MCM9: variants seen among roughly 807,000 people sequenced by gnomAD.
The protein encoded by MCM9 is DNA helicase MCM9.
Under a neutral mutation model 72.8 loss-of-function variants are expected in MCM9, and 55 were observed. The ratio of observed to expected loss-of-function variants is 0.76; its 90% confidence interval spans 0.61 to 0.95. The LOEUF (loss-of-function observed/expected upper bound fraction) is 0.95. Among genes scored for constraint, MCM9 ranks in the 40% least tolerant of loss-of-function variants. MCM9 has a pLI of 0.00. For missense variants in MCM9, 1,279 were observed against 1,377.0 expected, an observed-to-expected ratio of 0.93 and a Z score of 1.13; for synonymous variants, 480 against 503.4, an observed-to-expected ratio of 0.95 and a Z score of 0.62.
At chr6:118,829,351 T>A in intron 9 of MCM9, 101 bp from the exon 10 acceptor site, 1 of 1,055,274 alleles carries the variant, frequency 9.5e-7, no homozygotes, top group Non-Finnish European at 1.3e-6. Context: ...CTTGAAAATC[T>A]ACGAACTCCT....
Position 118,888,041 on chromosome 6 carries a change from A to C in MCM9, c.1150+23609T>G, listed in dbSNP as rs144653080. Among the ~76,000 whole-genome samples the C allele has an allele frequency of 6.4e-3, 968 of 152,346 alleles. 6 individuals carry two copies. Among genetic ancestry groups the C allele is most frequent in the African/African-American group, 0.022 (910 of 41,580 alleles). ...CATATGAAAGATGCTTAACATCTTTAGCCATCAGGGAAATATAGACCAAAA... is the reference window on the plus strand; with the variant it reads ...CATATGAAAGATGCTTAACATCTTTCGCCATCAGGGAAATATAGACCAAAA... On this transcript the variant is annotated intron_variant, in intron 8 of 13. Coordinates refer to ENST00000619706, the MANE Select transcript of MCM9 (RefSeq NM_017696.3).
chr6:118,861,639 C>CT (rs915816176), intron 8 of MCM9, among the ~76,000 whole-genome samples: 31 of 152,338 alleles, frequency 2.0e-4, no homozygotes, highest in African/African-American at 7.2e-4. Flanking sequence ...TGGGTAGCTC[C>CT]TTTCTGCAGG....
chr6:118,911,173 T>C (rs1331382990), intron 8 of MCM9: 1 of 985,308 alleles, frequency 1.0e-6, no homozygotes, highest in African/African-American at 1.7e-5. Flanking sequence ...AAGCTCCACA[T>C]TGCAATGATG....
At chr6:118,843,929 T>TGG (rs1025911316) in intron 9 of MCM9, among the ~76,000 whole-genome samples, 1 of 148,800 alleles carries the variant, frequency 6.7e-6, no homozygotes, top group Non-Finnish European at 1.5e-5. Flanking sequence ...GAAAATGATG[T>TGG]GGCAAGGTAC....
chr6:118,836,594 A>G (rs925064969), intron 9 of MCM9, among the ~76,000 whole-genome samples: 2 of 152,242 alleles, frequency 1.3e-5, no homozygotes, highest in African/African-American at 4.8e-5. Flanking sequence ...GAGTCTAGGT[A>G]TTTATCCATT....
In MCM9 at chr6:118,931,561, C is replaced by A; in HGVS notation, c.163G>T (p.Gly55Trp). Residue 55 changes from glycine to tryptophan, a missense_variant, in exon 3 of 14, where the codon GGG (glycine) becomes TGG (tryptophan). By Grantham distance (184) the Gly-to-Trp change is radical (BLOSUM62 -2). Transcript: ENST00000619706. ...MTLFETNMEI[G>W]EYFNMFPSEV... is the part of the protein sequence containing the mutation. ...CTGGGGAACATGTTGAAATATTCCCCGATTTCCATGTTGGTCTCAAACAGA... is the reference window on the plus strand; with the variant it reads ...CTGGGGAACATGTTGAAATATTCCCAGATTTCCATGTTGGTCTCAAACAGA... 1 of 1,614,074 alleles carries A rather than the reference C, an allele frequency of 6.2e-7. No individual in the cohort carries two copies.
rs760884661 is a variant in MCM9 at position 118,931,714 on chromosome 6, C to T, written c.10G>A (p.Asp4Asn). Reference sequence around the variant, plus strand: ...ACTTGACCAACCAGTGTAACTTGATCGCTATTCATCTTGAATCTAGGTAAC... The same window carrying T: ...ACTTGACCAACCAGTGTAACTTGATTGCTATTCATCTTGAATCTAGGTAAC... MNSDQVTLVGQVFE... is the reference protein window; with the variant it reads MNSNQVTLVGQVFE... The change falls in exon 3 of 14, where the codon GAT becomes AAT. Residue 4 changes from aspartate (D) to asparagine (N), a missense_variant. Physicochemically the swap from Asp to Asn is conservative, Grantham distance 23. Transcript: ENST00000619706. 1.2e-5 allele frequency: 19 copies of T among 1,604,186 alleles called. No individual in the cohort carries two copies. Among genetic ancestry groups the T allele is most frequent in the Admixed American group, 1.7e-5 (1 of 59,418 alleles).
Position 118,814,727 on chromosome 6 carries a change from G to A in MCM9, c.*97C>T, listed in dbSNP as rs1217515033. On this transcript the variant is annotated 3_prime_UTR_variant, in exon 14 of 14. Coordinates refer to ENST00000619706, the MANE Select transcript of MCM9 (RefSeq NM_017696.3). ...AGTATTCAGAGTGATCCTCAATATG[G>A]CCAATTGTTCTATACATTTATAAAT... is the stretch of plus-strand genomic sequence containing the variant. The A allele has an allele frequency of 2.5e-6, 3 of 1,200,654 alleles. No homozygotes were observed. The highest frequency in any genetic ancestry group is 5.9e-5 in the Admixed American group (2 of 33,748). The allele number at this position is 1,200,654 out of a possible 1,614,324, so 74.4% of individuals were successfully genotyped here.
At position 118,826,236 on chromosome 6, in the gene MCM9, A is replaced by G; in HGVS notation, c.1872T>C (p.Pro624=). ...NALHTSFPEN[P]GEQYQRQCEL... is the part of the protein sequence containing the mutation. ...CACACTGTCTCTGGTACTGCTCTCC[A>G]GGGTTTTCAGGAAAGGAAGTGTGGA... Residue 624 remains proline (P), a synonymous_variant, in exon 13 of 14, where the codon CCT becomes CCC. Coordinates refer to ENST00000619706, the MANE Select transcript of MCM9 (RefSeq NM_017696.3). 1 of 1,550,464 alleles carries G rather than the reference A, an allele frequency of 6.4e-7. No homozygotes were observed.
At chr6:118,861,955 A>G (rs1459791548) in intron 8 of MCM9, among the ~76,000 whole-genome samples, 1 of 152,172 alleles carries the variant, frequency 6.6e-6, no homozygotes, top group Non-Finnish European at 1.5e-5. Flanking sequence ...GGAGGCCTGT[A>G]GGCCCATGCT....
chr6:118,893,376 C>T (rs1342267745), intron 8 of MCM9, among the ~76,000 whole-genome samples: 1 of 152,162 alleles, frequency 6.6e-6, no homozygotes, highest in Admixed American at 6.5e-5. Context: ...TCCATTTTCT[C>T]CTTTTATGTT....
intron 8 of MCM9, among the ~76,000 whole-genome samples, chr6:118,888,343 C>T (rs148587841): frequency 1.7e-3 from 251 of 152,068 alleles, no homozygotes; most frequent in African/African-American, 5.5e-3. Flanking sequence ...AAAAATTAGC[C>T]GGGTGTGGTG....
chr6:118,849,443 G>A (rs1049428042), intron 9 of MCM9, among the ~76,000 whole-genome samples: 3 of 151,630 alleles, frequency 2.0e-5, no homozygotes, highest in African/African-American at 7.3e-5. Context: ...GTGTGTGTGT[G>A]TGTGTGTGTG....
intron 9 of MCM9, among the ~76,000 whole-genome samples, chr6:118,853,475 T>C (rs1776356947): frequency 6.6e-6 from 1 of 152,030 alleles, no homozygotes; most frequent in African/African-American, 2.4e-5. Flanking sequence ...TCAATAGGTT[T>C]TTGGGGAACA....
chr6:118,898,363 GCATT>G (rs1376913733), intron 8 of MCM9, among the ~76,000 whole-genome samples: 2 of 151,908 alleles, frequency 1.3e-5, no homozygotes, highest in Admixed American at 1.3e-4. Flanking sequence ...AGGATCAAGG[GCATT>G]ATATGTAGTG....
At chr6:118,873,262 A>G (rs1777732578) in intron 8 of MCM9, among the ~76,000 whole-genome samples, 2 of 150,540 alleles carry the variant, frequency 1.3e-5, no homozygotes, top group Non-Finnish European at 1.5e-5. Context: ...AGGGAAGGGG[A>G]AAAGAGGAAG....
chr6:118,824,864 G>C (rs533901652), intron 13 of MCM9, among the ~76,000 whole-genome samples: 161 of 152,210 alleles, frequency 1.1e-3, no homozygotes, highest in African/African-American at 3.6e-3. Flanking sequence ...TTGCTTTCAG[G>C]AGGATCAACA....
intron 8 of MCM9, chr6:118,907,895 T>C (rs1780281992): frequency 7.8e-6 from 2 of 255,844 alleles, no homozygotes; most frequent in South Asian, 1.4e-4. Context: ...ATGAAAGCAC[T>C]TATAAAGAAA....
intron 8 of MCM9, chr6:118,894,371 C>T: frequency 3.3e-6 from 5 of 1,535,846 alleles, no homozygotes; most frequent in South Asian, 2.4e-5. Context: ...TTTATTGTGC[C>T]GCAACCAGCC....
Sources: gnomAD v4.1 joint callset for allele counts (sites outside exome capture counted in the v4.1 genomes callset) on GRCh38, gnomAD v4.1.1 for gene constraint, MANE v1.5 for transcripts, NCBI Gene and HGNC (gene_info 2026-07-23, HGNC 2026-07-21) for gene names.